Variants in KIAA1217 observed in about 807,000 individuals in gnomAD.
KIAA1217 encodes KIAA1217, also known as sickle tail protein homolog.
KIAA1217 carries 88 observed loss-of-function variants against 163.9 expected under a neutral mutation model. The observed-to-expected ratio is 0.54, with a 90% CI of 0.45 to 0.64. The LOEUF (loss-of-function observed/expected upper bound fraction) is 0.64, where lower values mean the gene tolerates loss of function less well. Ranked by LOEUF, KIAA1217 falls within the 30% of genes least tolerant of loss-of-function variation. The pLI, the probability that KIAA1217 is intolerant of heterozygous loss-of-function variation, is 0.00. For missense variants in KIAA1217, 2,372 were observed against 2,475.0 expected, an observed-to-expected ratio of 0.96 and a Z score of 0.88; for synonymous variants, 903 against 923.1, an observed-to-expected ratio of 0.98 and a Z score of 0.39.
At chr10:24,442,539 G>A (rs183961337) in intron 5 of KIAA1217, among the ~76,000 whole-genome samples, 16 of 152,056 alleles carry the variant, frequency 1.1e-4, no homozygotes, top group African/African-American at 1.9e-4. Context: ...GATCATTTCC[G>A]TGGTTTCCAA....
At chr10:24,257,052 A>AT (rs2075240657) in intron 2 of KIAA1217, among the ~76,000 whole-genome samples, 1 of 152,054 alleles carries the variant, frequency 6.6e-6, no homozygotes, top group Admixed American at 6.6e-5. Flanking sequence ...CAGGAAAACA[A>AT]TTTTTTTCAA....
At chr10:24,066,528 G>A (rs967341904) in intron 2 of KIAA1217, among the ~76,000 whole-genome samples, 1 of 152,178 alleles carries the variant, frequency 6.6e-6, no homozygotes, top group African/African-American at 2.4e-5. Context: ...AGTCTGATGG[G>A]TTTCCCTTTG....
intron 2 of KIAA1217, among the ~76,000 whole-genome samples, chr10:24,327,701 C>T (rs1015095425): frequency 6.6e-6 from 1 of 152,114 alleles, no homozygotes; most frequent in Non-Finnish European, 1.5e-5. Flanking sequence ...TGGTCTCAAA[C>T]TTCTGGACTC....
intron 2 of KIAA1217, among the ~76,000 whole-genome samples, chr10:24,372,355 G>C (rs566374458): frequency 2.6e-5 from 4 of 152,176 alleles, no homozygotes; most frequent in South Asian, 4.1e-4. Context: ...TGAATGAGGG[G>C]TGTGGCATCT....
intron 1 of KIAA1217, among the ~76,000 whole-genome samples, chr10:23,718,971 C>G (rs1837721602): frequency 6.6e-6 from 1 of 151,952 alleles, no homozygotes; most frequent in Non-Finnish European, 1.5e-5. Context: ...CACAATAAAC[C>G]TGTGTTTGTG....
chr10:24,153,958 A>T (rs75719405), intron 2 of KIAA1217, among the ~76,000 whole-genome samples: 111 of 135,354 alleles, frequency 8.2e-4, no homozygotes, highest in African/African-American at 2.2e-3. Context: ...TACAAAAAAT[A>T]TTTTTTTTTT....
chr10:23,873,697 T>G (rs890602413), intron 1 of KIAA1217, among the ~76,000 whole-genome samples: 8 of 151,932 alleles, frequency 5.3e-5, no homozygotes, highest in African/African-American at 1.9e-4. Flanking sequence ...TTTCTCTCTC[T>G]CTCTCTCTCT....
intron 2 of KIAA1217, among the ~76,000 whole-genome samples, chr10:24,122,524 GATT>G: frequency 6.6e-6 from 1 of 152,236 alleles, no homozygotes; most frequent in East Asian, 1.9e-4. Flanking sequence ...GCTACCAGGT[GATT>G]ATATGCTTGA....
intron 1 of KIAA1217, among the ~76,000 whole-genome samples, chr10:23,961,250 G>C (rs1022735114): frequency 6.6e-6 from 1 of 152,118 alleles, no homozygotes; most frequent in Non-Finnish European, 1.5e-5. Context: ...CTTTCTTGCA[G>C]TTGTATCCAG....
intron 1 of KIAA1217, among the ~76,000 whole-genome samples, chr10:23,850,013 T>C (rs1839232318): frequency 6.6e-6 from 1 of 152,120 alleles, no homozygotes; most frequent in Admixed American, 6.6e-5. Flanking sequence ...TATTGTGTGT[T>C]CAAACCAGGA....
At chr10:24,086,570 T>C (rs56234715) in intron 2 of KIAA1217, among the ~76,000 whole-genome samples, 3,100 of 152,300 alleles carry the variant, frequency 0.02, 51 homozygotes, top group Middle Eastern at 0.068. Context: ...GAAGAAAGCT[T>C]TAGTTTCATA....
At chr10:24,334,421 G>T (rs1453541936) in intron 2 of KIAA1217, among the ~76,000 whole-genome samples, 3 of 131,244 alleles carry the variant, frequency 2.3e-5, no homozygotes, top group African/African-American at 8.7e-5. Context: ...TGGAGGGGTG[G>T]AGGAGGGAGG....
intron 2 of KIAA1217, among the ~76,000 whole-genome samples, chr10:24,227,903 C>G (rs766662946): frequency 5.9e-5 from 9 of 152,158 alleles, no homozygotes; most frequent in Non-Finnish European, 1.2e-4. Flanking sequence ...CAGACCAGGG[C>G]TTTGCTGCTG....
chr10:24,113,946 A>G (rs1048051500), intron 2 of KIAA1217, among the ~76,000 whole-genome samples: 3 of 152,220 alleles, frequency 2.0e-5, no homozygotes, highest in Admixed American at 1.3e-4. Flanking sequence ...TAAGCCAAGC[A>G]TGGGGCCCTT....
chr10:23,750,736 G>C (rs11596894), intron 1 of KIAA1217, among the ~76,000 whole-genome samples: 6,829 of 152,188 alleles, frequency 0.045, 232 homozygotes, highest in South Asian at 0.08. Context: ...TGAATGAGGG[G>C]CTGTGACTGC....
At chr10:24,349,755 G>A (rs1165325154) in intron 2 of KIAA1217, among the ~76,000 whole-genome samples, 4 of 152,188 alleles carry the variant, frequency 2.6e-5, no homozygotes, top group South Asian at 2.1e-4. Flanking sequence ...TGAGAGCTTC[G>A]TGAAGAAATA....
intron 1 of KIAA1217, among the ~76,000 whole-genome samples, chr10:23,954,132 C>T (rs1369145765): frequency 6.6e-6 from 1 of 152,134 alleles, no homozygotes; most frequent in Non-Finnish European, 1.5e-5. Flanking sequence ...TGGGCCATTT[C>T]CAGGGGGCTG....
In KIAA1217 at chr10:24,362,560, C is replaced by T. The variant is rs967854887; in HGVS notation, c.355-18309C>T. 3.9e-5 allele frequency among the ~76,000 whole-genome samples: 6 copies of T among 152,136 alleles called. No individual in the cohort carries two copies. In the East Asian group the frequency reaches 5.8e-4, roughly 15 times the overall value. ...GTGATTTGCTGTGCAATTACAAACC[C>T]GAGACAATTTGTAATACAAAGAGCT... On this transcript the variant is annotated intron_variant, in intron 2 of 20. Coordinates refer to ENST00000376454, the MANE Select transcript of KIAA1217 (RefSeq NM_019590.5).
rs868606278 is a variant in KIAA1217 at position 24,198,073 on chromosome 10, A to T, written c.-170-21553A>T. Among the ~76,000 whole-genome samples the T allele has an allele frequency of 1.8e-4, 28 of 152,350 alleles. No homozygotes were observed. In the Middle Eastern group the frequency reaches 0.01, roughly 56 times the overall value. ...CATCCACCTCTGTGCTGTGTTGCTT[A>T]TGAGTTTTCTCCTTGGTAAACCAGG... On this transcript the variant is annotated intron_variant, in intron 2 of 18. Coordinates refer to the KIAA1217 transcript ENST00000376462.
Sources: gnomAD v4.1 joint callset for allele counts (sites outside exome capture counted in the v4.1 genomes callset) on GRCh38, gnomAD v4.1.1 for gene constraint, MANE v1.5 for transcripts, NCBI Gene and HGNC (gene_info 2026-07-23, HGNC 2026-07-21) for gene names.